ST6GALNAC3: variants seen among roughly 807,000 people sequenced by gnomAD.
The protein encoded by ST6GALNAC3 is alpha-N-acetylgalactosaminide alpha-2,6-sialyltransferase 3.
A neutral mutation model predicts 32.7 loss-of-function variants in ST6GALNAC3; 25 were observed. The ratio of observed to expected loss-of-function variants is 0.76; its 90% CI spans 0.56 to 1.07. The LOEUF (loss-of-function observed/expected upper bound fraction) is 1.07, where lower values mean the gene tolerates loss of function less well. Ranked by LOEUF, ST6GALNAC3 falls within the 50% of genes least tolerant of loss-of-function variation. The pLI, the probability that ST6GALNAC3 is intolerant of heterozygous loss-of-function variation, is 0.00. For synonymous variants in ST6GALNAC3, 129 were observed against 133.1 expected, an observed-to-expected ratio of 0.97 and a Z score of 0.21; for missense variants, 355 against 382.4, an observed-to-expected ratio of 0.93 and a Z score of 0.60.
intron 1 of ST6GALNAC3, among the ~76,000 whole-genome samples, chr1:76,182,112 G>A (rs1489624797): frequency 6.6e-6 from 1 of 152,084 alleles, no homozygotes; most frequent in Non-Finnish European, 1.5e-5. Context: ...CTGAGCCCTG[G>A]GTTAGAAGAC....
At chr1:76,450,027 T>C (rs2101549282) in intron 3 of ST6GALNAC3, among the ~76,000 whole-genome samples, 1 of 152,310 alleles carries the variant, frequency 6.6e-6, no homozygotes, top group Non-Finnish European at 1.5e-5. Flanking sequence ...AATTGTGATG[T>C]TATAAACATG....
intron 3 of ST6GALNAC3, among the ~76,000 whole-genome samples, chr1:76,503,568 A>G (rs1661305743): frequency 1.3e-5 from 2 of 152,220 alleles, no homozygotes; most frequent in Admixed American, 6.5e-5. Context: ...AGAATTCTTA[A>G]TATTTTTTTC....
intron 1 of ST6GALNAC3, among the ~76,000 whole-genome samples, chr1:76,183,401 G>A (rs1454938871): frequency 6.6e-6 from 1 of 151,990 alleles, no homozygotes; most frequent in Non-Finnish European, 1.5e-5. Flanking sequence ...GGGAAGGTTG[G>A]AGACAAATAA....
At chr1:76,495,067 A>G (rs1290185912) in intron 3 of ST6GALNAC3, among the ~76,000 whole-genome samples, 1 of 152,072 alleles carries the variant, frequency 6.6e-6, no homozygotes, top group Non-Finnish European at 1.5e-5. Flanking sequence ...GGCATCCCCC[A>G]CATTAGGAAG....
rs543564424 is a variant in ST6GALNAC3, at chr1:76,307,354, A to G, written c.19-6451A>G. Among the ~76,000 whole-genome samples the G allele has an allele frequency of 2.6e-5, 4 of 152,288 alleles. No individual in the cohort carries two copies. The South Asian group carries it at 8.3e-4, about 32-fold the overall frequency. ...GTGCTTTGCTACTTCAACTTTGTGC[A>G]AATGGAAAGAAGCTTTATTGCATTC... On this transcript the variant is annotated intron_variant, in intron 1 of 4. Coordinates refer to ENST00000328299, the MANE Select transcript of ST6GALNAC3 (RefSeq NM_152996.4).
At chr1:76,081,954 G>A (rs1157435155) in intron 1 of ST6GALNAC3, among the ~76,000 whole-genome samples, 1 of 152,138 alleles carries the variant, frequency 6.6e-6, no homozygotes, top group Non-Finnish European at 1.5e-5. Flanking sequence ...GGCATGAAGT[G>A]GAAATGGCAA....
chr1:76,261,880 T>C (rs969375560), intron 1 of ST6GALNAC3, among the ~76,000 whole-genome samples: 1 of 152,218 alleles, frequency 6.6e-6, no homozygotes, highest in African/African-American at 2.4e-5. Context: ...TTCCTTTCTA[T>C]ATTTTTATTC....
At chr1:76,542,588 A>T (rs1192952866) in intron 3 of ST6GALNAC3, among the ~76,000 whole-genome samples, 2 of 152,032 alleles carry the variant, frequency 1.3e-5, no homozygotes, top group African/African-American at 4.8e-5. Flanking sequence ...TTCTCTCATC[A>T]CTGATGATGC....
At chr1:76,579,959 T>C (rs1175144605) in intron 3 of ST6GALNAC3, among the ~76,000 whole-genome samples, 2 of 152,086 alleles carry the variant, frequency 1.3e-5, no homozygotes, top group Non-Finnish European at 2.9e-5. Flanking sequence ...GGTATTCTTA[T>C]CTTCTCATAC....
At chr1:76,606,021 A>G (rs1387917377) in intron 3 of ST6GALNAC3, among the ~76,000 whole-genome samples, 1 of 152,110 alleles carries the variant, frequency 6.6e-6, no homozygotes, top group East Asian at 1.9e-4. Flanking sequence ...AGATACCACT[A>G]TCTCATGCCA....
chr1:76,596,566 C>T (rs755353301), intron 3 of ST6GALNAC3, among the ~76,000 whole-genome samples: 3 of 152,156 alleles, frequency 2.0e-5, no homozygotes, highest in Admixed American at 6.6e-5. Context: ...TTCTGATCTT[C>T]GTCAGAAATA....
At chr1:76,427,121 A>G (rs1469531157) in intron 3 of ST6GALNAC3, among the ~76,000 whole-genome samples, 3 of 152,100 alleles carry the variant, frequency 2.0e-5, no homozygotes, top group Non-Finnish European at 4.4e-5. Flanking sequence ...CTCAGCAAAG[A>G]AACTCAGAAG....
chr1:76,185,040 C>T (rs150904124), intron 1 of ST6GALNAC3, among the ~76,000 whole-genome samples: 2 of 152,072 alleles, frequency 1.3e-5, no homozygotes, highest in African/African-American at 4.8e-5. Context: ...TTAATCCTCG[C>T]ACAACCCTGT....
intron 1 of ST6GALNAC3, among the ~76,000 whole-genome samples, chr1:76,183,912 C>G (rs1266946166): frequency 7.6e-6 from 1 of 131,630 alleles, no homozygotes; most frequent in East Asian, 2.1e-4. Context: ...TTATTGAAAC[C>G]TACTTTTATT....
At chr1:76,460,691 G>T (rs924749777) in intron 3 of ST6GALNAC3, among the ~76,000 whole-genome samples, 1 of 152,080 alleles carries the variant, frequency 6.6e-6, no homozygotes, top group Non-Finnish European at 1.5e-5. Flanking sequence ...ATTAACAATT[G>T]CTCTAAGCAG....
intron 3 of ST6GALNAC3, among the ~76,000 whole-genome samples, chr1:76,511,723 A>G (rs1661875987): frequency 6.6e-6 from 1 of 152,222 alleles, no homozygotes; most frequent in South Asian, 2.1e-4. Context: ...GAGAGGCAGT[A>G]CAATCATGGT....
chr1:76,560,114 G>C (rs1665160470), intron 3 of ST6GALNAC3, among the ~76,000 whole-genome samples: 1 of 152,056 alleles, frequency 6.6e-6, no homozygotes, highest in Non-Finnish European at 1.5e-5. Flanking sequence ...AATGATGCTG[G>C]GAAAACTAGA....
At chr1:76,139,736 TG>T (rs1393572414) in intron 1 of ST6GALNAC3, among the ~76,000 whole-genome samples, 3 of 152,218 alleles carry the variant, frequency 2.0e-5, no homozygotes, top group African/African-American at 7.2e-5. Flanking sequence ...GTCCAGGGCC[TG>T]GTTTCTAGTT....
In ST6GALNAC3 at chr1:76,364,377, C is replaced by T. The variant is rs1310001332; in HGVS notation, c.214-47631C>T. On this transcript the variant is annotated intron_variant, in intron 2 of 4. Coordinates refer to ENST00000328299, the MANE Select transcript of ST6GALNAC3 (RefSeq NM_152996.4). ...TAGCCTGGCCAACATGGCAAAAACC[C>T]CATCTCTACTTTAAAAAATACAAAA... Among the ~76,000 whole-genome samples the T allele has an allele frequency of 3.9e-5, 6 of 151,920 alleles. No individual in the cohort carries two copies. In the East Asian group the frequency reaches 1.2e-3, roughly 29 times the overall value.
Sources: allele counts gnomAD v4.1 joint callset (sites outside exome capture counted in the v4.1 genomes callset), GRCh38; gene constraint gnomAD v4.1.1; transcripts MANE v1.5; gene names NCBI Gene and HGNC (gene_info 2026-07-23, HGNC 2026-07-21).